The following UNC13C variants were observed in gnomAD, a reference collection of about 807,000 sequenced individuals.
UNC13C encodes protein unc-13 homolog C.
UNC13C carries 174 observed loss-of-function variants against 245.4 expected under a neutral mutation model. The observed-to-expected ratio is 0.71, with a 90% CI of 0.63 to 0.80. The LOEUF is 0.80. Ranked by LOEUF, UNC13C falls within the 30% of genes least tolerant of loss-of-function variation. The probability of loss-of-function intolerance (pLI) is 0.00; values close to 1 mark genes in which losing one functional copy is unlikely to be tolerated. For missense variants in UNC13C, 2,829 were observed against 2,602.9 expected (o/e 1.09, Z -1.89); for synonymous variants, 992 against 895.1 (o/e 1.11, Z -1.93).
chr15:54,584,444 C>G (rs1898378933), intron 30 of UNC13C, among the ~76,000 whole-genome samples: 1 of 152,212 alleles, frequency 6.6e-6, no homozygotes. Flanking sequence ...GAGCATCCCC[C>G]TTTGTGACCA....
chr15:53,931,377 C>T, the UNC13C span, among the ~76,000 whole-genome samples: 1 of 152,104 alleles, frequency 6.6e-6, no homozygotes, highest in African/African-American at 2.4e-5. Context: ...CCATGTTGGC[C>T]AGGCTGATCT....
chr15:54,384,745 T>A (rs554839155), intron 17 of UNC13C, among the ~76,000 whole-genome samples: 1 of 152,044 alleles, frequency 6.6e-6, no homozygotes, highest in South Asian at 2.1e-4. Context: ...CTAAAGAAAA[T>A]ATTTGCAAAT....
intron 10 of UNC13C, among the ~76,000 whole-genome samples, chr15:54,279,973 T>G (rs2036932558): frequency 6.6e-6 from 1 of 152,162 alleles, no homozygotes; most frequent in Non-Finnish European, 1.5e-5. Flanking sequence ...TTAGTGTTAA[T>G]GAGAGTACAG....
chr15:54,133,304 T>G (rs181116865), intron 2 of UNC13C, among the ~76,000 whole-genome samples: 1 of 152,346 alleles, frequency 6.6e-6, no homozygotes, highest in Non-Finnish European at 1.5e-5. Flanking sequence ...CTGATGGATC[T>G]AATACACAGG....
At chr15:54,615,685 T>G (rs1346001648) in intron 30 of UNC13C, among the ~76,000 whole-genome samples, 2 of 152,060 alleles carry the variant, frequency 1.3e-5, no homozygotes, top group East Asian at 3.9e-4. Flanking sequence ...AGGCATTAGT[T>G]GGGGTTGAAA....
the UNC13C span, among the ~76,000 whole-genome samples, chr15:53,957,240 C>T: frequency 7.2e-5 from 11 of 152,228 alleles, no homozygotes; most frequent in South Asian, 2.3e-3. Context: ...CTCCTGGGTT[C>T]AAGTGATTCT....
At chr15:54,203,944 A>G (rs924227101) in intron 4 of UNC13C, among the ~76,000 whole-genome samples, 6 of 143,496 alleles carry the variant, frequency 4.2e-5, no homozygotes, top group African/African-American at 1.5e-4. Context: ...ACACACACAC[A>G]CAATGGAATG....
chr15:54,037,597 A>C (rs996420535), intron 2 of UNC13C, among the ~76,000 whole-genome samples: 1 of 152,160 alleles, frequency 6.6e-6, no homozygotes, highest in South Asian at 2.1e-4. Flanking sequence ...GCTAGTATCT[A>C]TATACATTTG....
the UNC13C span, among the ~76,000 whole-genome samples, chr15:53,945,791 T>C: frequency 6.6e-6 from 1 of 152,156 alleles, no homozygotes; most frequent in East Asian, 1.9e-4. Context: ...ATAATATTAT[T>C]GGTAGTTTAA....
intron 2 of UNC13C, among the ~76,000 whole-genome samples, chr15:54,017,472 A>AAGTGC (rs1895711968): frequency 6.7e-6 from 1 of 149,348 alleles, no homozygotes. Flanking sequence ...GAAGACTAAG[A>AAGTGC]AGTGCATGAG....
intron 2 of UNC13C, among the ~76,000 whole-genome samples, chr15:54,123,717 A>G (rs1386513198): frequency 6.6e-6 from 1 of 152,100 alleles, no homozygotes; most frequent in African/African-American, 2.4e-5. Context: ...GCATTGGTAT[A>G]ATGTGCAAGT....
At chr15:54,519,264 A>C (rs1021211570) in intron 24 of UNC13C, among the ~76,000 whole-genome samples, 9 of 152,216 alleles carry the variant, frequency 5.9e-5, no homozygotes, top group Admixed American at 2.6e-4. Flanking sequence ...AGAGAAAAGA[A>C]TGTCACATCA....
chr15:54,300,104 C>A, intron 12 of UNC13C, 106 bp from the exon 13 acceptor site: 1 of 978,704 alleles, frequency 1.0e-6, no homozygotes, highest in Non-Finnish European at 1.5e-6. Flanking sequence ...GCTGATGAAA[C>A]ATTAGAGGCA....
the UNC13C span, among the ~76,000 whole-genome samples, chr15:53,891,995 G>T: frequency 6.6e-6 from 1 of 152,170 alleles, no homozygotes; most frequent in African/African-American, 2.4e-5. Flanking sequence ...GCAGTGGCTG[G>T]TACCGGTTGT....
intron 29 of UNC13C, among the ~76,000 whole-genome samples, chr15:54,565,784 C>T (rs1212342074): frequency 6.6e-6 from 1 of 152,042 alleles, no homozygotes; most frequent in African/African-American, 2.4e-5. Flanking sequence ...TAATTTTCTA[C>T]AATTTATAGA....
intron 17 of UNC13C, among the ~76,000 whole-genome samples, chr15:54,376,602 C>T (rs925793321): frequency 1.3e-5 from 2 of 151,980 alleles, no homozygotes; most frequent in Non-Finnish European, 2.9e-5. Context: ...AAGAGCAGGG[C>T]CTAAGAGAAA....
chr15:54,099,779 C>A (rs566538927), intron 2 of UNC13C, among the ~76,000 whole-genome samples: 1 of 152,008 alleles, frequency 6.6e-6, no homozygotes, highest in African/African-American at 2.4e-5. Flanking sequence ...AGTAGAAGTG[C>A]GCTTCAATAT....
Position 54,628,357 on chromosome 15 carries a change from G to T in UNC13C, c.*1244G>T, listed in dbSNP as rs1435155536. 1 of 152,518 alleles carries T rather than the reference G, an allele frequency of 6.6e-6. No individual in the cohort carries two copies. Among genetic ancestry groups the T allele is most frequent in the Non-Finnish European group, 1.5e-5 (1 of 68,030 alleles). 9.4% of individuals were successfully genotyped at this position (152,518 alleles called of 1,614,324 possible). A position where few individuals can be genotyped will look rare whatever the true frequency, so the allele number is the denominator to read the frequency against. Reference sequence around the variant, plus strand: ...AACTGTTAGTGGACTACTTACAGAAGCAGAAACAAGAGCCTGTTATGATTG... The same window carrying T: ...AACTGTTAGTGGACTACTTACAGAATCAGAAACAAGAGCCTGTTATGATTG... On this transcript the variant is annotated 3_prime_UTR_variant, in exon 33 of 33. Transcript: ENST00000260323.
chr15:53,866,271 T>C, the UNC13C span, among the ~76,000 whole-genome samples: 3 of 152,212 alleles, frequency 2.0e-5, no homozygotes, highest in Admixed American at 2.0e-4. Context: ...TGCTATACAT[T>C]TCACTTCAGA....
Sources: allele counts gnomAD v4.1 joint callset (sites outside exome capture counted in the v4.1 genomes callset), GRCh38; gene constraint gnomAD v4.1.1; transcripts MANE v1.5; gene names NCBI Gene and HGNC (gene_info 2026-07-23, HGNC 2026-07-21).